The following FMR1NB variants were observed in gnomAD, a reference collection of about 807,000 sequenced individuals.
The protein encoded by FMR1NB is FMR1 neighbor, also known as FMR1 neighbor protein.
A neutral mutation model predicts 16.8 loss-of-function variants in FMR1NB; 10 were observed. That is an observed-to-expected ratio of 0.60 (90% CI 0.37 to 1.01). The LOEUF (loss-of-function observed/expected upper bound fraction) is 1.01. Ranked by LOEUF, FMR1NB falls within the 50% of genes least tolerant of loss-of-function variation. The pLI is 0.01. For synonymous variants in FMR1NB, 83 were observed against 79.1 expected, an observed-to-expected ratio of 1.05 and a Z score of -0.26; for missense variants, 205 against 204.8, an observed-to-expected ratio of 1.00 and a Z score of 0.00.
intron 1 of FMR1NB, among the ~76,000 whole-genome samples, chrX:147,993,595 C>T (rs1248983994): frequency 9.0e-6 from 1 of 110,680 alleles, no homozygotes; most frequent in Non-Finnish European, 1.9e-5. Context: ...GCCCTTTTCT[C>T]CTCTCTTAAA....
chrX:148,018,436 A>G (rs1856451087), intron 4 of FMR1NB, among the ~76,000 whole-genome samples: 1 of 112,074 alleles, frequency 8.9e-6, no homozygotes, highest in Non-Finnish European at 1.9e-5. Flanking sequence ...CTACAAGGCT[A>G]CAGTAACCAA....
chrX:147,983,429 ATAG>A (rs1557186833), intron 1 of FMR1NB, among the ~76,000 whole-genome samples: 1 of 112,508 alleles, frequency 8.9e-6, no homozygotes, highest in East Asian at 2.8e-4. Flanking sequence ...TATAGCCATT[ATAG>A]TAGGAGTGAA....
chrX:148,017,076 C>T (rs992001554), intron 4 of FMR1NB, among the ~76,000 whole-genome samples: 14 of 110,662 alleles, frequency 1.3e-4, no homozygotes, highest in African/African-American at 4.6e-4. Flanking sequence ...TTTTGTTTGT[C>T]TGGGAAAGTC....
chrX:148,019,174 A>T (rs939105333), intron 4 of FMR1NB, among the ~76,000 whole-genome samples: 5 of 112,046 alleles, frequency 4.5e-5, no homozygotes, highest in African/African-American at 9.7e-5. Flanking sequence ...TACTTGATCA[A>T]TCTACTATTA....
intron 1 of FMR1NB, among the ~76,000 whole-genome samples, chrX:147,986,130 TC>T (rs1557187069): frequency 8.9e-6 from 1 of 112,120 alleles, no homozygotes; most frequent in East Asian, 2.8e-4. Context: ...TACAGAAGTG[TC>T]TGTTCCTATC....
chrX:148,013,022 C>G (rs2044632700), intron 4 of FMR1NB, among the ~76,000 whole-genome samples: 1 of 111,685 alleles, frequency 9.0e-6, no homozygotes, highest in Non-Finnish European at 1.9e-5. Flanking sequence ...GCTGTAAGAA[C>G]TTTGATAAAA....
chrX:148,006,710 C>G lies in FMR1NB; in HGVS notation c.406C>G (p.Leu136Val), dbSNP rs782232378. The G allele has an allele frequency of 1.2e-5, 14 of 1,198,219 alleles. No homozygotes were observed. In the South Asian group the frequency reaches 2.4e-4, roughly 21 times the overall value. Reference sequence around the variant, plus strand: ...ATTTCTGTTTTTAAAAGCTTGCAATCTGAGGGAAAATCAGGTGGCAAAGCC... The same window carrying G: ...ATTTCTGTTTTTAAAAGCTTGCAATGTGAGGGAAAATCAGGTGGCAAAGCC... ...LNFFFPTTCN[L>V]RENQVAKPCN... Residue 136 changes from leucine to valine, a missense_variant, in exon 3 of 6, where the codon CTG becomes GTG. Coordinates refer to ENST00000370467, the MANE Select transcript of FMR1NB (RefSeq NM_152578.3).
intron 4 of FMR1NB, among the ~76,000 whole-genome samples, chrX:148,022,725 G>T (rs1289358254): frequency 9.0e-6 from 1 of 111,504 alleles, no homozygotes; most frequent in Non-Finnish European, 1.9e-5. Flanking sequence ...AGTTAGTGAT[G>T]AGGCTGAACA....
At chrX:148,015,034 C>T (rs1350760774) in intron 4 of FMR1NB, among the ~76,000 whole-genome samples, 1 of 111,408 alleles carries the variant, frequency 9.0e-6, no homozygotes, top group Non-Finnish European at 1.9e-5. Flanking sequence ...TTTTGGATTT[C>T]TTCCTGGTTC....
chrX:147,995,688 A>T (rs2044538272), intron 1 of FMR1NB, among the ~76,000 whole-genome samples: 1 of 112,950 alleles, frequency 8.9e-6, no homozygotes, highest in Non-Finnish European at 1.9e-5. Flanking sequence ...CCTTAGCTGC[A>T]TGGACAGATC....
Position 148,019,725 on chromosome X carries a change from T to C in FMR1NB, c.633-5140T>C, listed in dbSNP as rs1557190459. 5.3e-5 allele frequency among the ~76,000 whole-genome samples: 6 copies of C among 112,261 alleles called. No homozygotes were observed. In the South Asian group the frequency reaches 2.2e-3, roughly 41 times the overall value. ...TCTCTGGATTACCATCAGAGGCTCTTGTTCTCTTCCTTTCCTTTTCCCCAA... is the reference window on the plus strand; with the variant it reads ...TCTCTGGATTACCATCAGAGGCTCTCGTTCTCTTCCTTTCCTTTTCCCCAA... On this transcript the variant is annotated intron_variant, in intron 4 of 5. Transcript: ENST00000370467.
At chrX:148,016,693 A>G (rs941819093) in intron 4 of FMR1NB, among the ~76,000 whole-genome samples, 1 of 111,753 alleles carries the variant, frequency 8.9e-6, no homozygotes, top group Non-Finnish European at 1.9e-5. Flanking sequence ...TTAAGCTGAT[A>G]ACAACATAAC....
At chrX:148,012,593 T>C (rs1207147852) in intron 4 of FMR1NB, among the ~76,000 whole-genome samples, 1 of 111,619 alleles carries the variant, frequency 9.0e-6, no homozygotes, top group African/African-American at 3.3e-5. Flanking sequence ...ACAGATGATG[T>C]AAAAAGCACA....
chrX:148,020,350 C>T (rs1734312447), intron 4 of FMR1NB, among the ~76,000 whole-genome samples: 1 of 111,991 alleles, frequency 8.9e-6, no homozygotes, highest in Admixed American at 9.4e-5. Flanking sequence ...CAGCCAAGGC[C>T]CGGGATTGGG....
chrX:148,021,969 G>A (rs1603088659), intron 4 of FMR1NB, among the ~76,000 whole-genome samples: 1 of 99,650 alleles, frequency 1.0e-5, no homozygotes, highest in Non-Finnish European at 2.0e-5. Context: ...CAGTCCCCTT[G>A]TTTCATGGAA....
intron 4 of FMR1NB, among the ~76,000 whole-genome samples, chrX:148,013,315 C>T (rs1232387249): frequency 9.0e-6 from 1 of 111,430 alleles, no homozygotes; most frequent in Non-Finnish European, 1.9e-5. Context: ...GTGTCCTTTT[C>T]TCAATTCCCA....
intron 1 of FMR1NB, among the ~76,000 whole-genome samples, chrX:148,001,760 TAAAAG>T (rs1394340081): frequency 5.5e-5 from 6 of 108,766 alleles, no homozygotes; most frequent in Middle Eastern, 4.7e-3. Context: ...AAAAAAAAAA[TAAAAG>T]AAAAGATAAA....
At chrX:148,023,392 T>C (rs782227246) in intron 4 of FMR1NB, among the ~76,000 whole-genome samples, 1 of 112,135 alleles carries the variant, frequency 8.9e-6, no homozygotes, top group South Asian at 3.7e-4. Context: ...ACATTTGTCT[T>C]ACCTAGTGGA....
intron 1 of FMR1NB, among the ~76,000 whole-genome samples, chrX:147,993,544 CA>C (rs1557187937): frequency 9.0e-6 from 1 of 111,306 alleles, no homozygotes; most frequent in African/African-American, 3.3e-5. Flanking sequence ...GCTCACTTCA[CA>C]GGCCTTTTCT....
Sources: allele counts gnomAD v4.1 joint callset (sites outside exome capture counted in the v4.1 genomes callset), GRCh38; gene constraint gnomAD v4.1.1; transcripts MANE v1.5; gene names NCBI Gene and HGNC (gene_info 2026-07-23, HGNC 2026-07-21).